Variants in GOLGB1 observed in about 807,000 individuals in gnomAD.
GOLGB1 encodes golgin B1.
A neutral mutation model predicts 336.9 loss-of-function variants in GOLGB1; 174 were observed. That is an observed-to-expected ratio of 0.52 (90% CI 0.46 to 0.59). The LOEUF is 0.59. Among genes scored for constraint, GOLGB1 ranks in the 20% least tolerant of loss-of-function variants. GOLGB1 has a pLI of 0.00. For missense variants in GOLGB1, 3,331 were observed against 3,645.3 expected (o/e 0.91, Z 2.22); for synonymous variants, 1,208 against 1,289.2 (o/e 0.94, Z 1.35).
In GOLGB1 at chr3:121,699,879, A is replaced by G. The variant is rs141733336; in HGVS notation, c.1526T>C (p.Leu509Pro). ...LEELKAENEK[L>P]SSQITLLEAQ... is the part of the protein sequence containing the mutation. Reference sequence around the variant, plus strand: ...CTCTAGGAGAGTAATCTGAGAAGACAGTTTTTCTGAAAGTCACAAAATAAA... The same window carrying G: ...CTCTAGGAGAGTAATCTGAGAAGACGGTTTTTCTGAAAGTCACAAAATAAA... The change falls in exon 12 of 22, where the codon CTG (leucine) becomes CCG (proline). Residue 509 changes from leucine (L) to proline (P), a missense_variant. Coordinates refer to ENST00000614479, the MANE Select transcript of GOLGB1 (RefSeq NM_001366282.2). The G allele has an allele frequency of 1.1e-4, 182 of 1,590,296 alleles. No individual in the cohort carries two copies. The highest frequency in any genetic ancestry group is 1.7e-4 in the Middle Eastern group (1 of 5,998).
intron 1 of GOLGB1, among the ~76,000 whole-genome samples, chr3:121,742,827 AAAG>A: frequency 6.6e-6 from 1 of 152,230 alleles, no homozygotes; most frequent in South Asian, 2.1e-4. Flanking sequence ...ACACTTCTCA[AAAG>A]AAGACATTTA....
chr3:121,730,223 C>A (rs1945984230), intron 2 of GOLGB1: 3 of 448,578 alleles, frequency 6.7e-6, no homozygotes, highest in South Asian at 4.3e-5. Context: ...CAAACATTAT[C>A]CCATTTAAGG....
intron 1 of GOLGB1, among the ~76,000 whole-genome samples, chr3:121,734,388 T>C (rs1256517332): frequency 2.3e-4 from 19 of 83,178 alleles, no homozygotes; most frequent in African/African-American, 6.9e-4. Context: ...AGACTCTGTC[T>C]CGGGAAAAAA....
chr3:121,728,458 G>A lies in GOLGB1; in HGVS notation c.402+730C>T, dbSNP rs186742033. Among the ~76,000 whole-genome samples the A allele has an allele frequency of 3.2e-4, 49 of 152,354 alleles. 1 individual carries two copies. The highest frequency in any genetic ancestry group is 3.2e-3 in the Admixed American group (49 of 15,296). On this transcript the variant is annotated intron_variant, in intron 4 of 21. Coordinates refer to ENST00000614479, the MANE Select transcript of GOLGB1 (RefSeq NM_001366282.2). ...CTCACTCTATAACTACAGTATGCAT[G>A]TGATATGCCTGCCTCCATATAATCT...
intron 10 of GOLGB1, among the ~76,000 whole-genome samples, chr3:121,708,196 T>A (rs568858822): frequency 2.0e-5 from 3 of 152,282 alleles, no homozygotes; most frequent in African/African-American, 4.8e-5. Flanking sequence ...ATAAACTTTT[T>A]AAAAATCTAT....
At chr3:121,701,589 C>G (rs1943413580) in intron 11 of GOLGB1, among the ~76,000 whole-genome samples, 3 of 152,094 alleles carry the variant, frequency 2.0e-5, no homozygotes, top group African/African-American at 7.2e-5. Flanking sequence ...TAACGACACG[C>G]TACTAAATCC....
At chr3:121,727,387 T>C (rs760366105) in intron 4 of GOLGB1, among the ~76,000 whole-genome samples, 1 of 124,972 alleles carries the variant, frequency 8.0e-6, no homozygotes, top group Non-Finnish European at 1.6e-5. Context: ...CTGTGGACAA[T>C]ATAGAAAACA....
intron 10 of GOLGB1, among the ~76,000 whole-genome samples, chr3:121,706,811 G>C (rs916237846): frequency 7.2e-6 from 1 of 139,024 alleles, no homozygotes; most frequent in East Asian, 2.1e-4. Flanking sequence ...AATACACTTA[G>C]AGAAATGAAA....
intron 10 of GOLGB1, among the ~76,000 whole-genome samples, chr3:121,714,408 C>T (rs893691505): frequency 4.6e-5 from 7 of 151,874 alleles, no homozygotes; most frequent in Non-Finnish European, 7.4e-5. Flanking sequence ...GCTACTTGGC[C>T]ATTATATACT....
intron 18 of GOLGB1, 38 bp from the exon 19 acceptor site, chr3:121,668,196 G>T: frequency 8.1e-7 from 1 of 1,231,138 alleles, no homozygotes; most frequent in Non-Finnish European, 1.2e-6. Context: ...AGTGATGAAA[G>T]CTCTTAAGAA....
chr3:121,696,971 C>T lies in GOLGB1; in HGVS notation c.3552G>A (p.Lys1184=). The T allele has an allele frequency of 6.2e-7, 1 of 1,614,090 alleles. No individual in the cohort carries two copies. Among genetic ancestry groups the T allele is most frequent in the Non-Finnish European group, 8.5e-7 (1 of 1,179,992 alleles). Reference sequence around the variant, plus strand: ...TGCGGGAGGTTAAGGCTTCCTGTAGCTTCTTTTGAAGTTGCTCCTTTTCTT... The same window carrying T: ...TGCGGGAGGTTAAGGCTTCCTGTAGTTTCTTTTGAAGTTGCTCCTTTTCTT... The part of the protein sequence containing the change: ...LEKEKEQLQK[K]LQEALTSRKA... Residue 1184 remains lysine, a synonymous_variant, in exon 13 of 22, where the codon AAG becomes AAA. Transcript: ENST00000614479.
intron 1 of GOLGB1, among the ~76,000 whole-genome samples, chr3:121,747,537 T>G (rs1947453445): frequency 6.6e-6 from 1 of 151,322 alleles, no homozygotes; most frequent in South Asian, 2.1e-4. Flanking sequence ...TATTTTTATA[T>G]TTTTACAAAG....
rs1285162225 is a variant in GOLGB1, at chr3:121,716,952, C to T, written c.1073G>A (p.Gly358Asp). The T allele has an allele frequency of 6.2e-7, 1 of 1,613,916 alleles. No individual in the cohort carries two copies. The highest frequency in any genetic ancestry group is 1.3e-5 in the African/African-American group (1 of 75,010). The change falls in exon 9 of 22, where the codon GGC (glycine) becomes GAC (aspartate). Residue 358 changes from glycine (G) to aspartate (D), a missense_variant. Gly to Asp is a moderately conservative substitution (Grantham distance 94). Coordinates refer to ENST00000614479, the MANE Select transcript of GOLGB1 (RefSeq NM_001366282.2). ...AGACTCTAGTTCAGCCTGGGCTTGG[C>T]CTGCTTGCTCAAACTGTTCTAAAAG... ...HHLLEQFEQA[G>D]QAQAELESRY...
At chr3:121,688,629 G>A (rs1298227174) in intron 14 of GOLGB1, among the ~76,000 whole-genome samples, 8 of 151,196 alleles carry the variant, frequency 5.3e-5, no homozygotes, top group African/African-American at 1.9e-4. Context: ...AGTGAGGAGC[G>A]TCTCTGCCTG....
chr3:121,684,839 A>G (rs6786605), intron 14 of GOLGB1, among the ~76,000 whole-genome samples: 19,306 of 152,176 alleles, frequency 0.13, 1,428 homozygotes, highest in African/African-American at 0.2. Context: ...TAGAATAGAC[A>G]AAATAGGAGA....
At chr3:121,677,222 G>T (rs188723527) in intron 16 of GOLGB1, 63 bp downstream of exon 16, 12 of 1,328,372 alleles carry the variant, frequency 9.0e-6, no homozygotes, top group Non-Finnish European at 1.2e-5. Flanking sequence ...ACAAAACCCT[G>T]CAATCATCAT....
Position 121,664,408 on chromosome 3 carries a change from T to A in GOLGB1, c.*72A>T. On this transcript the variant is annotated 3_prime_UTR_variant, in exon 22 of 22. Coordinates refer to ENST00000614479, the MANE Select transcript of GOLGB1 (RefSeq NM_001366282.2). ...AAATGGGAAGACTGTTCCACTGGAATTGATGTTCTGATGTTAGAGGTGAGA... is the reference window on the plus strand; with the variant it reads ...AAATGGGAAGACTGTTCCACTGGAAATGATGTTCTGATGTTAGAGGTGAGA... The A allele has an allele frequency of 7.8e-7, 1 of 1,278,720 alleles. No homozygotes were observed. 79.2% of individuals were successfully genotyped at this position (1,278,720 alleles called of 1,614,324 possible). A position where few individuals can be genotyped will look rare whatever the true frequency, so the allele number is the denominator to read the frequency against.
At chr3:121,672,995 T>A (rs1013898449) in intron 17 of GOLGB1, among the ~76,000 whole-genome samples, 4 of 152,202 alleles carry the variant, frequency 2.6e-5, no homozygotes, top group Non-Finnish European at 4.4e-5. Flanking sequence ...TGTGTGTCTG[T>A]TTTTATGCCA....
At chr3:121,723,396 TTG>T in intron 5 of GOLGB1, among the ~76,000 whole-genome samples, 1 of 152,358 alleles carries the variant, frequency 6.6e-6, no homozygotes, top group South Asian at 2.1e-4. Flanking sequence ...ATATGTTTAT[TTG>T]TATACTTAAT....
Sources: gnomAD v4.1 joint callset for allele counts (sites outside exome capture counted in the v4.1 genomes callset) on GRCh38, gnomAD v4.1.1 for gene constraint, MANE v1.5 for transcripts, NCBI Gene and HGNC (gene_info 2026-07-23, HGNC 2026-07-21) for gene names.